Variants in GANAB observed in about 807,000 individuals in gnomAD.
GANAB encodes the protein neutral alpha-glucosidase AB.
In GANAB, 35 loss-of-function variants were observed where a neutral mutation model predicts 129.9. The ratio of observed to expected loss-of-function variants is 0.27; its 90% CI spans 0.21 to 0.36. GANAB has a LOEUF of 0.36. Ranked by LOEUF, GANAB falls within the 10% of genes least tolerant of loss-of-function variation. The pLI is 1.00. For synonymous variants in GANAB, 482 were observed against 451.8 expected, an observed-to-expected ratio of 1.07 and a Z score of -0.85; for missense variants, 939 against 1,221.0, an observed-to-expected ratio of 0.77 and a Z score of 3.44.
At position 62,632,569 on chromosome 11, in the gene GANAB, C is replaced by A; in HGVS notation, c.992G>T (p.Gly331Val). Residue 331 changes from glycine to valine, a missense_variant, in exon 9 of 24, where the codon GGG becomes GTG. Transcript: ENST00000356638. ...TCCCCGTGCCTGTGCTCTCACCTTC[C>A]CGGCAGTGTTGGAAGATATATCAAC... ...TWVDISSNTA[G>V]KTLFGKMMDY... The A allele has an allele frequency of 1.9e-6, 3 of 1,613,176 alleles. No homozygotes were observed. Among genetic ancestry groups the A allele is most frequent in the South Asian group, 2.2e-5 (2 of 91,042 alleles).
intron 4 of GANAB, 104 bp downstream of exon 4, chr11:62,638,879 T>G: frequency 8.8e-7 from 1 of 1,137,532 alleles, no homozygotes; most frequent in Non-Finnish European, 1.3e-6. Flanking sequence ...GCTATGCTAG[T>G]TAACTACTAC....
chr11:62,624,975 C>G lies in GANAB; in HGVS notation c.*840G>C, dbSNP rs1443378626. 8.9e-6 allele frequency: 2 copies of G among 225,206 alleles called. No individual in the cohort carries two copies. Among genetic ancestry groups the G allele is most frequent in the African/African-American group, 4.8e-5 (2 of 41,422 alleles). 14.0% of individuals were successfully genotyped at this position (225,206 alleles called of 1,614,324 possible). A position where few individuals can be genotyped will look rare whatever the true frequency, so the allele number is the denominator to read the frequency against. On this transcript the variant is annotated 3_prime_UTR_variant, in exon 24 of 24. Transcript: ENST00000356638. ...CCCCACCCAGGGCTTCCAGCCAACC[C>G]CGAGCACACATGATCATCTCCCCCC...
At chr11:62,646,058 G>C (rs957533598) in intron 1 of GANAB, among the ~76,000 whole-genome samples, 1 of 152,234 alleles carries the variant, frequency 6.6e-6, no homozygotes, top group African/African-American at 2.4e-5. Context: ...GCCAGAGCTG[G>C]TGCTCACGTG....
At chr11:62,634,793 T>C in intron 5 of GANAB, 28 bp downstream of exon 5, 1 of 1,581,130 alleles carries the variant, frequency 6.3e-7, no homozygotes. Flanking sequence ...CACACTAGGT[T>C]CCCTGCAGTC....
chr11:62,626,195 G>A lies in GANAB; in HGVS notation c.2625-30C>T, dbSNP rs766580909. 6.0e-6 allele frequency: 9 copies of A among 1,506,212 alleles called. No homozygotes were observed. The South Asian group carries it at 7.9e-5, about 13-fold the overall frequency. The allele number at this position is 1,506,212 out of a possible 1,614,324, so 93.3% of individuals were successfully genotyped here. A position where few individuals can be genotyped will look rare whatever the true frequency, so the allele number is the denominator to read the frequency against. ...AGATGGTAAAAGCAGATGTCCATCA[G>A]GGGGAAAAATAACAGAACAGAAGGA... On this transcript the variant is annotated intron_variant, in intron 22 of 23. Coordinates refer to ENST00000356638, the MANE Select transcript of GANAB (RefSeq NM_198334.3).
chr11:62,629,511 G>C lies in GANAB; in HGVS notation c.1834+77C>G, dbSNP rs141169583. ...CAGTGTGTGGCTCCCATTCCTCAGA[G>C]AGGCAGGTCCAGGTCCATGGCTCCT... is the stretch of plus-strand genomic sequence containing the variant. On this transcript the variant is annotated intron_variant, in intron 15 of 23. Coordinates refer to ENST00000356638, the MANE Select transcript of GANAB (RefSeq NM_198334.3). 10 of 973,990 alleles carry C rather than the reference G, an allele frequency of 1.0e-5. No individual in the cohort carries two copies. The African/African-American group carries it at 1.1e-4, about 11-fold the overall frequency. The allele number at this position is 973,990 out of a possible 1,614,324, so 60.3% of individuals were successfully genotyped here.
Position 62,630,605 on chromosome 11 carries a change from C to T in GANAB, c.1382G>A (p.Arg461Gln), listed in dbSNP as rs1167564290. Residue 461 changes from arginine (R) to glutamine (Q), a missense_variant, in exon 11 of 24, where the codon CGG becomes CAG. By Grantham distance (43) the Arg-to-Gln change is conservative. This residue lies in a region of GANAB where 220 missense variants were observed against 295.9 expected (regional missense o/e 0.74). Coordinates refer to ENST00000356638, the MANE Select transcript of GANAB (RefSeq NM_198334.3). ...AGCGTGACTGCAACCCCTTACCTTC[C>T]GCCTCTTAGAAGCCAAGCGCTCAAG... ...TMLERLASKR[R>Q]KLVAIVDPHI... 4 of 1,611,314 alleles carry T rather than the reference C, an allele frequency of 2.5e-6. No individual in the cohort carries two copies. The highest frequency in any genetic ancestry group is 3.4e-6 in the Non-Finnish European group (4 of 1,177,832).
In GANAB at chr11:62,639,415, A is replaced by G; in HGVS notation, c.196T>C (p.Ser66Pro). ...AGGGAATCAGGACCAAGCTGTAGAGAGTCCAGCAAGGCTCGGTATGGAGAG... is the reference window on the plus strand; with the variant it reads ...AGGGAATCAGGACCAAGCTGTAGAGGGTCCAGCAAGGCTCGGTATGGAGAG... The part of the protein sequence containing the change: ...GLSPYRALLD[S>P]LQLGPDSLTV... Residue 66 changes from serine (S) to proline (P), a missense_variant, in exon 3 of 24, where the codon TCT (serine) becomes CCT (proline). Coordinates refer to ENST00000356638, the MANE Select transcript of GANAB (RefSeq NM_198334.3). 6.2e-7 allele frequency: 1 copy of G among 1,613,568 alleles called. No homozygotes were observed. The highest frequency in any genetic ancestry group is 8.5e-7 in the Non-Finnish European group (1 of 1,179,772).
intron 4 of GANAB, among the ~76,000 whole-genome samples, chr11:62,638,127 C>T (rs980403937): frequency 1.3e-5 from 2 of 152,120 alleles, no homozygotes; most frequent in Non-Finnish European, 2.9e-5. Context: ...GGGTACAGGA[C>T]AGTGCGGGTT....
At chr11:62,645,332 C>G (rs1055989952) in intron 1 of GANAB, among the ~76,000 whole-genome samples, 2 of 152,078 alleles carry the variant, frequency 1.3e-5, no homozygotes, top group African/African-American at 4.8e-5. Context: ...GTCAAGAGAT[C>G]GAGATCATCC....
At chr11:62,629,059 G>C in intron 16 of GANAB, 47 bp from the exon 17 acceptor site, 1 of 1,603,622 alleles carries the variant, frequency 6.2e-7, no homozygotes, top group Non-Finnish European at 8.5e-7. Context: ...GGGTGAAGGA[G>C]AGATACTGCT....
rs1943327853 is a variant in GANAB at position 62,625,566 on chromosome 11, T to TA, written c.*248dup. 9 of 532,988 alleles carry TA rather than the reference T, an allele frequency of 1.7e-5. No individual in the cohort carries two copies. The highest frequency in any genetic ancestry group is 9.5e-5 in the African/African-American group (5 of 52,434). 33.0% of individuals were successfully genotyped at this position (532,988 alleles called of 1,614,324 possible). ...TGTTCGTAAGTGAATGTGCTCCAGT[T>TA]AGAGCAACAGGATGTTGGGGGAATG... On this transcript the variant is annotated 3_prime_UTR_variant, in exon 24 of 24. Transcript: ENST00000356638.
At chr11:62,635,245 C>T (rs1275093826) in intron 4 of GANAB, among the ~76,000 whole-genome samples, 1 of 151,380 alleles carries the variant, frequency 6.6e-6, no homozygotes, top group East Asian at 1.9e-4. Flanking sequence ...AGTGCAATGG[C>T]GCAATCTCGG....
intron 9 of GANAB, 126 bp from the exon 10 acceptor site, chr11:62,631,309 G>A: frequency 1.3e-6 from 1 of 773,014 alleles, no homozygotes. Flanking sequence ...CTTTCGGTAA[G>A]ACTAAACGGG....
At chr11:62,643,459 G>C (rs1944350675) in intron 1 of GANAB, among the ~76,000 whole-genome samples, 1 of 152,058 alleles carries the variant, frequency 6.6e-6, no homozygotes, top group South Asian at 2.1e-4. Context: ...CCAACATGAT[G>C]AAACCCCGTC....
rs759356524 is a variant in GANAB, at chr11:62,625,880, A to G, written c.2770T>C (p.Ser924Pro). 1.2e-6 allele frequency: 2 copies of G among 1,613,844 alleles called. No individual in the cohort carries two copies. Among genetic ancestry groups the G allele is most frequent in the Admixed American group, 1.7e-5 (1 of 60,008 alleles). Residue 924 changes from serine (S) to proline (P), a missense_variant, in exon 24 of 24, where the codon TCT (serine) becomes CCT (proline). Ser to Pro is a moderately conservative substitution (Grantham distance 74). This residue lies in a region of GANAB where 230 missense variants were observed against 259.9 expected (regional missense o/e 0.89). Coordinates refer to ENST00000356638, the MANE Select transcript of GANAB (RefSeq NM_198334.3). ...CCAGGCTTGCGCAGGACCAACACAG[A>G]GGTCTCAGGGTCATGCTGGAAGGAC... is the stretch of plus-strand genomic sequence containing the variant. ...RLSFQHDPET[S>P]VLVLRKPGIN...
At chr11:62,636,560 T>C (rs912056814) in intron 4 of GANAB, among the ~76,000 whole-genome samples, 2 of 152,198 alleles carry the variant, frequency 1.3e-5, no homozygotes, top group African/African-American at 2.4e-5. Context: ...CTCATTCCTG[T>C]AATCTCAGCA....
chr11:62,641,595 T>G (rs1182066816), intron 1 of GANAB, among the ~76,000 whole-genome samples: 4 of 16,118 alleles, frequency 2.5e-4, no homozygotes, highest in Non-Finnish European at 2.2e-3. Context: ...TTTTGTTTTT[T>G]GCTTTGAGAC....
intron 1 of GANAB, 96 bp downstream of exon 1, chr11:62,646,466 G>A: frequency 1.4e-6 from 2 of 1,383,416 alleles, no homozygotes; most frequent in Non-Finnish European, 2.0e-6. Flanking sequence ...GAGGCCGGGG[G>A]TGGCAGAGTG....
Sources: gnomAD v4.1 joint callset for allele counts (sites outside exome capture counted in the v4.1 genomes callset) on GRCh38, gnomAD v4.1.1 for gene constraint, gnomAD v4.1.1 regional missense constraint, MANE v1.5 for transcripts, NCBI Gene and HGNC (gene_info 2026-07-23, HGNC 2026-07-21) for gene names.